The following PLEKHG5 variants were observed in gnomAD, a reference collection of about 807,000 sequenced individuals.
PLEKHG5 encodes pleckstrin homology domain-containing family G member 5.
Under a neutral mutation model 103.8 loss-of-function variants are expected in PLEKHG5, and 52 were observed. The observed-to-expected ratio is 0.50, with a 90% CI of 0.40 to 0.63. The LOEUF (loss-of-function observed/expected upper bound fraction) is 0.63. PLEKHG5 is among the 30% of genes least tolerant of loss of function. The pLI is 0.00. For synonymous variants in PLEKHG5, 592 were observed against 575.5 expected (o/e 1.03, Z -0.41); for missense variants, 1,205 against 1,347.6 (o/e 0.89, Z 1.66).
chr1:6,477,445 G>A, intron 2 of PLEKHG5, 84 bp downstream of exon 2: 2 of 1,371,978 alleles, frequency 1.5e-6, no homozygotes, highest in Non-Finnish European at 2.1e-6. Flanking sequence ...TTGTCCTTAT[G>A]ACGCCCTAGC....
chr1:6,472,669 AG>A (rs1443584714), intron 9 of PLEKHG5, 47 bp from the exon 10 acceptor site: 1 of 1,432,672 alleles, frequency 7.0e-7, no homozygotes, highest in Admixed American at 1.8e-5. Context: ...GGAGCACCTT[AG>A]GGTGGCCGGG....
intron 9 of PLEKHG5, 49 bp from the exon 10 acceptor site, chr1:6,472,671 G>T: frequency 7.1e-7 from 1 of 1,401,720 alleles, no homozygotes; most frequent in Non-Finnish European, 1.0e-6. Context: ...AGCACCTTAG[G>T]GTGGCCGGGG....
chr1:6,496,539 A>C, upstream of PLEKHG5: 2 of 1,596,776 alleles, frequency 1.3e-6, no homozygotes, highest in African/African-American at 1.3e-5. Context: ...CTGACAGCGC[A>C]GTCCCTTCTT....
chr1:6,516,922 A>AAC (rs1638641982), intron 1 of PLEKHG5, among the ~76,000 whole-genome samples: 1 of 140,910 alleles, frequency 7.1e-6, no homozygotes, highest in South Asian at 2.2e-4. Context: ...ACACACACAC[A>AAC]CACATGTACA....
chr1:6,479,432 G>A (rs57988202), intron 1 of PLEKHG5, among the ~76,000 whole-genome samples: 17,451 of 150,972 alleles, frequency 0.12, 1,501 homozygotes, highest in East Asian at 0.28. Flanking sequence ...GACTACAGGC[G>A]CCCGCCACCA....
upstream of PLEKHG5, chr1:6,497,311 T>G: frequency 8.8e-7 from 1 of 1,131,846 alleles, no homozygotes; most frequent in Non-Finnish European, 1.2e-6. The surrounding 1 kb of genome is among the most constrained non-coding windows in gnomAD (Gnocchi z 6.1). Context: ...GGTCCCCGCC[T>G]GCACTCACCC....
At chr1:6,493,825 A>G (rs1645184137), upstream of PLEKHG5, among the ~76,000 whole-genome samples, 1 of 151,660 alleles carries the variant, frequency 6.6e-6, no homozygotes, top group Non-Finnish European at 1.5e-5. Flanking sequence ...CCGGCTAATT[A>G]TTTTTTATAT....
In PLEKHG5 at chr1:6,467,832, TGAGCGTG is replaced by T; in HGVS notation, c.2997_3003del (p.Thr1000LeufsTer?). The T allele has an allele frequency of 6.2e-7, 1 of 1,613,250 alleles. No individual in the cohort carries two copies. Among genetic ancestry groups the T allele is most frequent in the Non-Finnish European group, 8.5e-7 (1 of 1,179,918 alleles). On this transcript the variant is annotated frameshift_variant, in exon 20 of 21. Transcript: ENST00000377728. LOFTEE classifies it high-confidence loss of function. ...CCAGTCCAGGCCACTCACGAGGCAG[TGAGCGTG>T]GAGTTAAGCAGCAGGGTGGTCCTGA...
rs1367801620 is a variant in PLEKHG5 at position 6,471,755 on chromosome 1, C to T, written c.1131+3G>A. ...CCGCCGCCGCCCCCGAATCCCAGCG[C>T]ACCTCACACAGCAGCCCTGACTCTT... is the stretch of plus-strand genomic sequence containing the variant. On this transcript the variant is annotated splice_donor_region_variant and intron_variant, in intron 11 of 20. Transcript: ENST00000377728. 1.2e-6 allele frequency: 2 copies of T among 1,609,696 alleles called. No individual in the cohort carries two copies. Among genetic ancestry groups the T allele is most frequent in the Non-Finnish European group, 8.5e-7 (1 of 1,178,326 alleles).
chr1:6,489,515 C>T (rs1645105887), intron 1 of PLEKHG5, among the ~76,000 whole-genome samples: 1 of 152,216 alleles, frequency 6.6e-6, no homozygotes, highest in South Asian at 2.1e-4. Flanking sequence ...AAGGCTGGGA[C>T]CCAGTGCTAG....
intron 1 of PLEKHG5, among the ~76,000 whole-genome samples, chr1:6,514,103 C>T (rs1247286388): frequency 2.0e-5 from 3 of 152,072 alleles, no homozygotes; most frequent in African/African-American, 4.8e-5. Context: ...CAGGAGGACT[C>T]CTTGACCCTA....
At chr1:6,474,695 A>G in intron 5 of PLEKHG5, 108 bp from the exon 6 acceptor site, 2 of 784,606 alleles carry the variant, frequency 2.5e-6, no homozygotes, top group South Asian at 1.7e-5. Context: ...AGCTGCCCCC[A>G]CCTTCCCAAC....
chr1:6,495,007 C>T (rs2148626021), upstream of PLEKHG5, among the ~76,000 whole-genome samples: 1 of 152,342 alleles, frequency 6.6e-6, no homozygotes, highest in Middle Eastern at 3.4e-3. Flanking sequence ...GAAGGCTGGG[C>T]CATCCCACCC....
At chr1:6,512,421 G>A (rs961919057) in intron 1 of PLEKHG5, among the ~76,000 whole-genome samples, 1 of 152,140 alleles carries the variant, frequency 6.6e-6, no homozygotes, top group African/African-American at 2.4e-5. Context: ...CCTGACCTTC[G>A]AGCCCACTGG....
At position 6,476,590 on chromosome 1, in the gene PLEKHG5, G is replaced by T. The variant is rs990818238; in HGVS notation, c.44-554C>A. ...CCACCCCAAAAACAAACTCACCTGT[G>T]GCCTCAGTTTACCCTTCTATAAAAT... On this transcript the variant is annotated intron_variant, in intron 2 of 20. Transcript: ENST00000377728. Among the ~76,000 whole-genome samples the T allele has an allele frequency of 3.3e-5, 5 of 152,116 alleles. 1 individual carries two copies. The highest frequency in any genetic ancestry group is 1.2e-4 in the African/African-American group (5 of 41,420).
chr1:6,497,126 C>T, upstream of PLEKHG5: 1 of 1,209,060 alleles, frequency 8.3e-7, no homozygotes, highest in Non-Finnish European at 1.2e-6. The surrounding 1 kb of genome is among the most constrained non-coding windows in gnomAD (Gnocchi z 6.1). Context: ...CAGCGAGAGG[C>T]GGGGGGAGGG....
rs972569803 is a variant in PLEKHG5 at position 6,474,527 on chromosome 1, G to A, written c.363C>T (p.Tyr121=). ...ACAGGGGTGTGTTGGACTGGTCCAG[G>A]TAGATGTCCACTTTGCCCAGCGCAA... ...KGIALGKVDI[Y]LDQSNTPLSL... Residue 121 remains tyrosine (Y), a synonymous_variant, in exon 6 of 21, where the codon TAC becomes TAT. Transcript: ENST00000377728. The A allele has an allele frequency of 1.9e-6, 3 of 1,613,718 alleles. No individual in the cohort carries two copies. Among genetic ancestry groups the A allele is most frequent in the African/African-American group, 1.3e-5 (1 of 74,916 alleles).
chr1:6,504,632 C>T (rs994027351), intron 1 of PLEKHG5, among the ~76,000 whole-genome samples: 1 of 149,692 alleles, frequency 6.7e-6, no homozygotes, highest in African/African-American at 2.5e-5. Context: ...TGCAGTGGCA[C>T]AATCTTGGCT....
At position 6,473,310 on chromosome 1, in the gene PLEKHG5, C is replaced by T. The variant is rs1297291894; in HGVS notation, c.736G>A (p.Ala246Thr). Residue 246 changes from alanine (A) to threonine (T), a missense_variant, in exon 8 of 21, where the codon GCG becomes ACG. Ala to Thr is a moderately conservative substitution (Grantham distance 58). Coordinates refer to ENST00000377728, the MANE Select transcript of PLEKHG5 (RefSeq NM_020631.6). ...TNTGDSWKNR[A>T]ASRFSGFFSS... ...AAAAAGCCGCTGAAGCGACTGGCCG[C>T]CCGGTTCTTCCAGCTGTCGCCAGTG... 1 of 1,575,446 alleles carries T rather than the reference C, an allele frequency of 6.3e-7. No homozygotes were observed. The highest frequency in any genetic ancestry group is 1.4e-5 in the African/African-American group (1 of 74,046).
Sources: allele counts gnomAD v4.1 joint callset (sites outside exome capture counted in the v4.1 genomes callset), GRCh38; gene constraint gnomAD v4.1.1; non-coding constraint Gnocchi (gnomAD v3.1); transcripts MANE v1.5; gene names NCBI Gene and HGNC (gene_info 2026-07-23, HGNC 2026-07-21).